SNX31: variants seen among roughly 807,000 people sequenced by gnomAD.
SNX31 encodes the protein sorting nexin 31.
Under a neutral mutation model 65.4 loss-of-function variants are expected in SNX31, and 58 were observed. The observed-to-expected ratio is 0.89, with a 90% CI of 0.72 to 1.10. SNX31 has a LOEUF of 1.10. Ranked by LOEUF, SNX31 falls within the 50% of genes least tolerant of loss-of-function variation. The probability of loss-of-function intolerance (pLI) is 0.00; values close to 1 mark genes in which losing one functional copy is unlikely to be tolerated. For missense variants in SNX31, 523 were observed against 529.7 expected (o/e 0.99, Z 0.12); for synonymous variants, 181 against 190.1 (o/e 0.95, Z 0.39).
chr8:100,616,533 C>T (rs1438579810), intron 5 of SNX31, among the ~76,000 whole-genome samples: 1 of 152,164 alleles, frequency 6.6e-6, no homozygotes, highest in African/African-American at 2.4e-5. Flanking sequence ...CAAACTCCCT[C>T]AAGCATCAAG....
intron 3 of SNX31, among the ~76,000 whole-genome samples, chr8:100,632,089 A>G (rs1818452988): frequency 6.6e-6 from 1 of 152,190 alleles, no homozygotes; most frequent in Non-Finnish European, 1.5e-5. Context: ...GTGAGGAGCT[A>G]AAGTGGGGTT....
chr8:100,606,951 CCA>C (rs1816222294), intron 8 of SNX31, among the ~76,000 whole-genome samples: 1 of 152,214 alleles, frequency 6.6e-6, no homozygotes, highest in African/African-American at 2.4e-5. Context: ...CGGAACAATT[CCA>C]GTTTCTGGGG....
At chr8:100,592,644 A>G (rs982243093) in intron 10 of SNX31, among the ~76,000 whole-genome samples, 1 of 152,204 alleles carries the variant, frequency 6.6e-6, no homozygotes, top group Admixed American at 6.5e-5. Flanking sequence ...AAGAGACATA[A>G]AAACATGTCT....
chr8:100,583,456 T>C (rs909081486), intron 12 of SNX31, among the ~76,000 whole-genome samples: 3 of 152,200 alleles, frequency 2.0e-5, no homozygotes, highest in African/African-American at 7.2e-5. Flanking sequence ...CTGTCTTGTT[T>C]GGGACATACT....
intron 12 of SNX31, among the ~76,000 whole-genome samples, chr8:100,580,293 G>A (rs962691232): frequency 1.3e-5 from 2 of 151,880 alleles, no homozygotes; most frequent in Non-Finnish European, 2.9e-5. Flanking sequence ...AATTCCTTAG[G>A]AACACATCTA....
intron 2 of SNX31, among the ~76,000 whole-genome samples, chr8:100,638,085 G>A (rs1052591363): frequency 6.6e-6 from 1 of 152,172 alleles, no homozygotes; most frequent in Non-Finnish European, 1.5e-5. Flanking sequence ...CAGGAGGGTT[G>A]CTTGAGCCCA....
chr8:100,618,237 T>A, intron 4 of SNX31: 1 of 1,449,444 alleles, frequency 6.9e-7, no homozygotes, highest in Non-Finnish European at 9.2e-7. Flanking sequence ...AACATGAAGC[T>A]TAAAGAACTT....
At chr8:100,636,859 T>A (rs1818811916) in intron 2 of SNX31, among the ~76,000 whole-genome samples, 1 of 152,026 alleles carries the variant, frequency 6.6e-6, no homozygotes, top group African/African-American at 2.4e-5. Context: ...GTAGCTGGGG[T>A]TACAGACATT....
In SNX31 at chr8:100,630,951, C is replaced by G. The variant is rs1481596259; in HGVS notation, c.257-560G>C. On this transcript the variant is annotated intron_variant, in intron 3 of 13. Coordinates refer to ENST00000311812, the MANE Select transcript of SNX31 (RefSeq NM_152628.4). This position sits in a 1 kb window ranked among gnomAD's most constrained non-coding sequence, Gnocchi z 5.3. ...TACAGGCACTCACCACCATGCCCGG[C>G]TAATTTTTGTATTTTTAGTAGAGAT... Among the ~76,000 whole-genome samples the G allele has an allele frequency of 2.6e-5, 4 of 152,068 alleles. No individual in the cohort carries two copies. Among genetic ancestry groups the G allele is most frequent in the Non-Finnish European group, 4.4e-5 (3 of 68,016 alleles).
chr8:100,663,173 C>T (rs770435504), exon 1 of SNX31: 1 of 152,198 alleles, frequency 6.6e-6, no homozygotes, highest in African/African-American at 2.4e-5. Context: ...ACTTGAACGA[C>T]GGGACCATCA....
At chr8:100,603,421 T>C (rs1399919145) in intron 8 of SNX31, among the ~76,000 whole-genome samples, 1 of 151,970 alleles carries the variant, frequency 6.6e-6, no homozygotes. Flanking sequence ...GTAATGTAAC[T>C]GTTTTGTTTC....
At chr8:100,608,590 A>T in intron 7 of SNX31, 27 bp from the exon 8 acceptor site, 2 of 1,612,000 alleles carry the variant, frequency 1.2e-6, no homozygotes, top group East Asian at 4.5e-5. Context: ...TGTGAAATTC[A>T]TTCCTGTGAC....
At chr8:100,637,820 T>C (rs891937288) in intron 2 of SNX31, among the ~76,000 whole-genome samples, 1 of 151,582 alleles carries the variant, frequency 6.6e-6, no homozygotes, top group African/African-American at 2.4e-5. Context: ...CTCAGCCTCC[T>C]GAGTAGCTGG....
At position 100,577,079 on chromosome 8, in the gene SNX31, G is replaced by C. The variant is rs1407263935; in HGVS notation, c.1171-4C>G. 6.2e-7 allele frequency: 1 copy of C among 1,612,806 alleles called. No homozygotes were observed. The highest frequency in any genetic ancestry group is 1.7e-5 in the Admixed American group (1 of 59,658). On this transcript the variant is annotated splice_polypyrimidine_tract_variant and splice_region_variant and intron_variant, in intron 12 of 13. Transcript: ENST00000311812. ...TTTGTTCCGGAACTTCAATCTGCTA[G>C]ATAGATTAGTGAAATGTCAGTCAGC...
intron 5 of SNX31, among the ~76,000 whole-genome samples, chr8:100,615,024 T>C (rs553888924): frequency 3.3e-5 from 5 of 152,222 alleles, no homozygotes; most frequent in African/African-American, 1.2e-4. Flanking sequence ...TAAATTATGG[T>C]TTTATGCAAG....
rs1477113582 is a variant in SNX31, at chr8:100,614,160, C to T, written c.433-1075G>A. On this transcript the variant is annotated intron_variant, in intron 5 of 13. Transcript: ENST00000311812. This position sits in a 1 kb window ranked among gnomAD's most constrained non-coding sequence, Gnocchi z 5.1. Reference sequence around the variant, plus strand: ...AGTTTCACCACTTTCAAAGCAATTCCCTTCCCCTTCTTTCTGTCTCTCTCT... The same window carrying T: ...AGTTTCACCACTTTCAAAGCAATTCTCTTCCCCTTCTTTCTGTCTCTCTCT... 6.6e-6 allele frequency among the ~76,000 whole-genome samples: 1 copy of T among 152,192 alleles called. No homozygotes were observed. The highest frequency in any genetic ancestry group is 2.4e-5 in the African/African-American group (1 of 41,446).
At chr8:100,655,870 A>C (rs1820046129) in intron 1 of SNX31, among the ~76,000 whole-genome samples, 1 of 152,202 alleles carries the variant, frequency 6.6e-6, no homozygotes, top group South Asian at 2.1e-4. Flanking sequence ...GATGGAGATC[A>C]CTGTGGCCAG....
chr8:100,649,772 G>A, upstream of SNX31: 1 of 419,658 alleles, frequency 2.4e-6, no homozygotes, highest in Non-Finnish European at 4.2e-6. Context: ...GCGCATCCAC[G>A]GCCACCCCCA....
At chr8:100,656,128 A>C (rs189750233) in intron 1 of SNX31, among the ~76,000 whole-genome samples, 1 of 152,308 alleles carries the variant, frequency 6.6e-6, no homozygotes. Flanking sequence ...ACCTGTTCAC[A>C]TTGCAGAGGC....
Sources: allele counts gnomAD v4.1 joint callset (sites outside exome capture counted in the v4.1 genomes callset), GRCh38; gene constraint gnomAD v4.1.1; non-coding constraint Gnocchi (gnomAD v3.1); transcripts MANE v1.5; gene names NCBI Gene and HGNC (gene_info 2026-07-23, HGNC 2026-07-21).